MTRFR: variants seen among roughly 807,000 people sequenced by gnomAD.
The protein encoded by MTRFR is probable peptide chain release factor C12orf65, mitochondrial.
A neutral mutation model predicts 11.9 loss-of-function variants in MTRFR; 10 were observed. The observed-to-expected ratio is 0.84, with a 90% CI of 0.52 to 1.42. MTRFR has a LOEUF of 1.42. Ranked by LOEUF, MTRFR falls within the 40% of genes most tolerant of loss-of-function variation. The pLI is 0.00. For missense variants in MTRFR, 196 were observed against 197.9 expected (o/e 0.99, Z 0.06); for synonymous variants, 77 against 79.1 (o/e 0.97, Z 0.14).
chr12:123,245,419 T>A (rs187367338), intron 1 of MTRFR, among the ~76,000 whole-genome samples: 268 of 152,268 alleles, frequency 1.8e-3, no homozygotes, highest in African/African-American at 6.1e-3. Context: ...CCGTGAAGAA[T>A]GATGGTGGTG....
At chr12:123,253,498 A>G in intron 1 of MTRFR, 149 bp from the exon 2 acceptor site, 1 of 735,500 alleles carries the variant, frequency 1.4e-6, no homozygotes, top group South Asian at 1.7e-5. Flanking sequence ...GTCTTGCTGA[A>G]TAATGTGTCT....
chr12:123,245,303 A>G (rs2048023200), intron 1 of MTRFR, among the ~76,000 whole-genome samples: 1 of 152,118 alleles, frequency 6.6e-6, no homozygotes, highest in Admixed American at 6.6e-5. Flanking sequence ...ATAGTTTGAA[A>G]TCAGGTAATA....
intron 1 of MTRFR, among the ~76,000 whole-genome samples, chr12:123,242,529 A>T (rs979831429): frequency 6.6e-6 from 1 of 152,124 alleles, no homozygotes; most frequent in African/African-American, 2.4e-5. Context: ...TGTCATTTTT[A>T]GCAGTCATTG....
At chr12:123,241,096 G>T (rs1341137413) in intron 1 of MTRFR, among the ~76,000 whole-genome samples, 4 of 151,292 alleles carry the variant, frequency 2.6e-5, no homozygotes, top group African/African-American at 7.3e-5. Flanking sequence ...GAGAGCTGTT[G>T]ATGACACAGC....
intron 1 of MTRFR, chr12:123,252,424 T>TCCC (rs755253574): frequency 4.4e-5 from 5 of 114,456 alleles, no homozygotes; most frequent in Non-Finnish European, 1.0e-4. Flanking sequence ...AGAGTGGGAC[T>TCCC]CTGTCTCAAA....
intron 1 of MTRFR, among the ~76,000 whole-genome samples, chr12:123,247,909 C>A (rs1431085589): frequency 1.3e-5 from 2 of 151,790 alleles, no homozygotes; most frequent in East Asian, 3.9e-4. Context: ...CATGTCACTG[C>A]ACTCCAGCCT....
At position 123,256,995 on chromosome 12, in the gene MTRFR, TAAAG is replaced by T. The variant is rs773169550; in HGVS notation, c.468_471del (p.Lys156AsnfsTer19). The T allele has an allele frequency of 6.2e-7, 1 of 1,612,306 alleles. No homozygotes were observed. Among genetic ancestry groups the T allele is most frequent in the Non-Finnish European group, 8.5e-7 (1 of 1,179,732 alleles). Reference sequence around the variant, plus strand: ...AAACCCTGGAAAAAAAGAAGCTACTTAAAGAACTGTGGGAGTCAAGTAAAAAGGT... The same window carrying T: ...AAACCCTGGAAAAAAAGAAGCTACTTAACTGTGGGAGTCAAGTAAAAAGGT... On this transcript the variant is annotated frameshift_variant, in exon 3 of 3. Transcript: ENST00000253233. LOFTEE classifies it high-confidence loss of function.
intron 1 of MTRFR, chr12:123,248,716 GACCCGAACGGGTTGC>G (rs1208544301): frequency 6.6e-6 from 1 of 152,206 alleles, no homozygotes; most frequent in Non-Finnish European, 1.5e-5. Context: ...TGTGGAAGGT[GACCCGAACGGGTTGC>G]ACTGCTGGCT....
At chr12:123,235,451 G>GC (rs950539956) in intron 1 of MTRFR, among the ~76,000 whole-genome samples, 2 of 151,820 alleles carry the variant, frequency 1.3e-5, no homozygotes, top group East Asian at 1.9e-4. Context: ...TGCAAGCTCC[G>GC]CCCCCCAGGT....
In MTRFR at chr12:123,246,709, A is replaced by ATTTTTTTTTTT. The variant is rs1157677577; in HGVS notation, c.-28-6909_-28-6899dup. On this transcript the variant is annotated intron_variant, in intron 1 of 2. Coordinates refer to ENST00000253233, the MANE Select transcript of MTRFR (RefSeq NM_152269.5). ...TGAGAGAGTGCTTGATATAATTTCA[A>ATTTTTTTTTTT]TTTTTTTTTTTTTTTTTTTTTTTTT... Among the ~76,000 whole-genome samples the ATTTTTTTTTTT allele has an allele frequency of 9.4e-5, 5 of 53,456 alleles. 1 individual carries two copies. Among genetic ancestry groups the ATTTTTTTTTTT allele is most frequent in the African/African-American group, 3.8e-4 (4 of 10,638 alleles). 35.1% of individuals were successfully genotyped at this position (53,456 alleles called of 152,430 possible). A position where few individuals can be genotyped will look rare whatever the true frequency, so the allele number is the denominator to read the frequency against.
rs1011967250 is a variant in MTRFR, at chr12:123,253,853, T to G, written c.179T>G (p.Leu60Arg). ...PALLSLDENE[L>R]EEQFVKGHGP... Reference sequence around the variant, plus strand: ...CTGCTTTCCTTGGATGAGAATGAACTCGAAGAGCAGTTTGTGAAAGGACAC... The same window carrying G: ...CTGCTTTCCTTGGATGAGAATGAACGCGAAGAGCAGTTTGTGAAAGGACAC... Residue 60 changes from leucine to arginine, a missense_variant, in exon 2 of 3, where the codon CTC (leucine) becomes CGC (arginine). Transcript: ENST00000253233. 6.2e-7 allele frequency: 1 copy of G among 1,614,050 alleles called. No homozygotes were observed. Among genetic ancestry groups the G allele is most frequent in the Non-Finnish European group, 8.5e-7 (1 of 1,180,036 alleles).
intron 1 of MTRFR, among the ~76,000 whole-genome samples, chr12:123,242,051 T>C (rs551211865): frequency 1.8e-4 from 28 of 152,338 alleles, no homozygotes; most frequent in African/African-American, 6.7e-4. Flanking sequence ...ACAGACTCTT[T>C]AGGCTCTCTG....
intron 1 of MTRFR, among the ~76,000 whole-genome samples, chr12:123,241,754 T>A (rs953543077): frequency 4.6e-5 from 7 of 152,326 alleles, no homozygotes; most frequent in Non-Finnish European, 1.0e-4. Context: ...TAGGCTATTA[T>A]CTTGTTTGCT....
chr12:123,256,165 G>A (rs925666858), intron 2 of MTRFR, among the ~76,000 whole-genome samples: 19 of 152,186 alleles, frequency 1.2e-4, no homozygotes, highest in African/African-American at 4.6e-4. Flanking sequence ...TAATAAAGAT[G>A]CTATTTTCTT....
At chr12:123,247,723 A>G (rs929470123) in intron 1 of MTRFR, among the ~76,000 whole-genome samples, 4 of 152,176 alleles carry the variant, frequency 2.6e-5, no homozygotes, top group African/African-American at 9.7e-5. Context: ...AGGTGGGCGG[A>G]TCATGAGGTC....
At chr12:123,240,789 A>G (rs1565991848) in intron 1 of MTRFR, 1 of 134,798 alleles carries the variant, frequency 7.4e-6, no homozygotes, top group Admixed American at 8.2e-5. Flanking sequence ...GCTGGAGTGC[A>G]GTGGCGTGAT....
At chr12:123,253,379 AC>A (rs1341883955) in intron 1 of MTRFR, 29 of 384,644 alleles carry the variant, frequency 7.5e-5, no homozygotes, top group South Asian at 5.7e-4. Flanking sequence ...AGAAAACAGC[AC>A]CCCCGGGTGC....
intron 1 of MTRFR, among the ~76,000 whole-genome samples, chr12:123,244,951 TTTTTTTTTTAGAC>T (rs1390865931): frequency 7.5e-6 from 1 of 133,338 alleles, no homozygotes; most frequent in African/African-American, 2.9e-5. Context: ...TTTTTTTTTT[TTTTTTTTTTAGAC>T]AGAGTCTTAC....
rs760146942 is a variant in MTRFR, at chr12:123,256,683, C to T, written c.283-130C>T. 21 of 785,080 alleles carry T rather than the reference C, an allele frequency of 2.7e-5. No individual in the cohort carries two copies. In the East Asian group the frequency reaches 2.8e-4, roughly 10 times the overall value. 48.6% of individuals were successfully genotyped at this position (785,080 alleles called of 1,614,324 possible). On this transcript the variant is annotated intron_variant, in intron 2 of 2. Transcript: ENST00000253233. ...TGCACTCTAGCCTGGATGACAAGAA[C>T]GAAACTCTGTCTCAATAAATAAATA... is the stretch of plus-strand genomic sequence containing the variant.
Sources: gnomAD v4.1 joint callset for allele counts (sites outside exome capture counted in the v4.1 genomes callset) on GRCh38, gnomAD v4.1.1 for gene constraint, MANE v1.5 for transcripts, NCBI Gene and HGNC (gene_info 2026-07-23, HGNC 2026-07-21) for gene names.